The following ZSWIM5 variants were observed in gnomAD, a reference collection of about 807,000 sequenced individuals.
ZSWIM5 encodes the protein zinc finger SWIM-type containing 5, also known as zinc finger SWIM domain-containing protein 5.
Under a neutral mutation model 119.6 loss-of-function variants are expected in ZSWIM5, and 55 were observed. The observed-to-expected ratio is 0.46, with a 90% CI of 0.37 to 0.58. The LOEUF (loss-of-function observed/expected upper bound fraction) is 0.58, where lower values mean the gene tolerates loss of function less well. ZSWIM5 is among the 20% of genes least tolerant of loss of function. The pLI is 0.00. For missense variants in ZSWIM5, 1,193 were observed against 1,512.8 expected, an observed-to-expected ratio of 0.79 and a Z score of 3.51; for synonymous variants, 537 against 606.9, an observed-to-expected ratio of 0.88 and a Z score of 1.69.
intron 1 of ZSWIM5, among the ~76,000 whole-genome samples, chr1:45,185,148 G>T (rs1326001684): frequency 6.6e-6 from 1 of 151,954 alleles, no homozygotes; most frequent in Non-Finnish European, 1.5e-5. Flanking sequence ...AAGCAATGGG[G>T]AAAGGATTCC....
In ZSWIM5 at chr1:45,198,991, T is replaced by G. The variant is rs537469723; in HGVS notation, c.595+6765A>C. On this transcript the variant is annotated intron_variant, in intron 1 of 13. Transcript: ENST00000359600. Reference sequence around the variant, plus strand: ...CTAAGAGTAGGATTGCTGAATCTTTTGCTTAAGTATATGATTAGCTATAAA... The same window carrying G: ...CTAAGAGTAGGATTGCTGAATCTTTGGCTTAAGTATATGATTAGCTATAAA... Among the ~76,000 whole-genome samples the G allele has an allele frequency of 4.6e-5, 7 of 152,340 alleles. No individual in the cohort carries two copies. In the South Asian group the frequency reaches 1.0e-3, roughly 23 times the overall value.
At chr1:45,050,918 G>T (rs1645084739) in intron 5 of ZSWIM5, among the ~76,000 whole-genome samples, 156 bp downstream of exon 5, 1 of 152,190 alleles carries the variant, frequency 6.6e-6, no homozygotes, top group Non-Finnish European at 1.5e-5. Context: ...CTTACTTAAG[G>T]TTCGGCATTT....
At position 45,144,801 on chromosome 1, in the gene ZSWIM5, GAAGAAACTGGT is replaced by G. The variant is rs796519708; in HGVS notation, c.596-56575_596-56565del. Among the ~76,000 whole-genome samples, 22 of 152,222 alleles carry G rather than the reference GAAGAAACTGGT, an allele frequency of 1.4e-4. 1 individual carries two copies. Among genetic ancestry groups the G allele is most frequent in the African/African-American group, 5.3e-4 (22 of 41,550 alleles). ...GTAACCAAAAGCAGACTCCATAAAAGAAGAAACTGGTAAGTTGGATTTCATTAACATTAAAA... is the reference window on the plus strand; with the variant it reads ...GTAACCAAAAGCAGACTCCATAAAAGAAGTTGGATTTCATTAACATTAAAA... On this transcript the variant is annotated intron_variant, in intron 1 of 13. Transcript: ENST00000359600.
intron 2 of ZSWIM5, among the ~76,000 whole-genome samples, chr1:45,078,780 T>A (rs1645270542): frequency 6.6e-6 from 1 of 152,210 alleles, no homozygotes; most frequent in Non-Finnish European, 1.5e-5. Context: ...CTCCAGACTC[T>A]GGGTGTGTCC....
chr1:45,162,070 C>A (rs1022104903), intron 1 of ZSWIM5, among the ~76,000 whole-genome samples: 4 of 152,168 alleles, frequency 2.6e-5, no homozygotes, highest in Non-Finnish European at 5.9e-5. Context: ...ACACTGAGAC[C>A]AGTATGATCC....
Position 45,088,242 on chromosome 1 carries a change from G to T in ZSWIM5, c.596-5C>A. ...CTGTGCCACTCAGATGAAAGCCTAA[G>T]GAAACACAAAAGAAACTGTGTTTAG... On this transcript the variant is annotated splice_polypyrimidine_tract_variant and splice_region_variant and intron_variant, in intron 1 of 13. Coordinates refer to ENST00000359600, the MANE Select transcript of ZSWIM5 (RefSeq NM_020883.2). The surrounding 1 kb of genome is among the most constrained non-coding windows in gnomAD (Gnocchi z 4.2). 1 of 1,561,226 alleles carries T rather than the reference G, an allele frequency of 6.4e-7. No homozygotes were observed. The highest frequency in any genetic ancestry group is 8.7e-7 in the Non-Finnish European group (1 of 1,153,692).
chr1:45,163,455 C>G (rs1235720143), intron 1 of ZSWIM5, among the ~76,000 whole-genome samples: 1 of 152,164 alleles, frequency 6.6e-6, no homozygotes, highest in Non-Finnish European at 1.5e-5. Flanking sequence ...AGCAACAGAA[C>G]AAAGCTAGAC....
intron 1 of ZSWIM5, among the ~76,000 whole-genome samples, chr1:45,134,621 G>T (rs146873372): frequency 6.6e-6 from 1 of 152,328 alleles, no homozygotes; most frequent in East Asian, 1.9e-4. Context: ...GTAATCCCAG[G>T]AAAACAGTGC....
rs1178965713 is a variant in ZSWIM5 at position 45,075,304 on chromosome 1, G to GACACTAT, written c.952+12576_952+12577insATAGTGT. Among the ~76,000 whole-genome samples, 17 of 150,454 alleles carry GACACTAT rather than the reference G, an allele frequency of 1.1e-4. No homozygotes were observed. The East Asian group carries it at 3.1e-3, about 27-fold the overall frequency. ...AAGATGTGTCCGATGCTGATAGCGG[G>GACACTAT]GTGCTGAAGTCTCCAGCTATTACTA... On this transcript the variant is annotated intron_variant, in intron 2 of 13. Coordinates refer to ENST00000359600, the MANE Select transcript of ZSWIM5 (RefSeq NM_020883.2).
chr1:45,085,123 C>G (rs968751424), intron 2 of ZSWIM5, among the ~76,000 whole-genome samples: 2 of 152,246 alleles, frequency 1.3e-5, no homozygotes, highest in Admixed American at 6.5e-5. Context: ...GTGCTTAACA[C>G]CATGTGGAAG....
chr1:45,075,023 C>T (rs148157395), intron 2 of ZSWIM5, among the ~76,000 whole-genome samples: 3,160 of 151,962 alleles, frequency 0.021, 161 homozygotes, highest in African/African-American at 0.073. Flanking sequence ...TGTATAGTTT[C>T]CAAAATTCCT....
intron 2 of ZSWIM5, among the ~76,000 whole-genome samples, chr1:45,082,305 A>C (rs1363336525): frequency 1.3e-4 from 20 of 150,682 alleles, no homozygotes; most frequent in Non-Finnish European, 1.8e-4. Flanking sequence ...TCTGTGAGAA[A>C]CACCCAAGAA....
Position 45,139,474 on chromosome 1 carries a change from C to CTT in ZSWIM5, c.596-51239_596-51238dup, listed in dbSNP as rs551063549. 5.8e-3 allele frequency among the ~76,000 whole-genome samples: 671 copies of CTT among 116,528 alleles called. 18 individuals are homozygous for CTT. The highest frequency in any genetic ancestry group is 0.019 in the African/African-American group (573 of 30,846). 76.4% of individuals were successfully genotyped at this position (116,528 alleles called of 152,430 possible). A position where few individuals can be genotyped will look rare whatever the true frequency, so the allele number is the denominator to read the frequency against. On this transcript the variant is annotated intron_variant, in intron 1 of 13. Transcript: ENST00000359600. The stretch of plus-strand genomic sequence containing the variant: ...CTCCCCTCTCCCTCCCTCTCTCTCT[C>CTT]TTTTTTTTTTTTTTTTGTAGAGACA...
chr1:45,031,717 G>A (rs1040557313), intron 11 of ZSWIM5, among the ~76,000 whole-genome samples: 11 of 151,778 alleles, frequency 7.2e-5, no homozygotes, highest in African/African-American at 1.7e-4. Context: ...GCGGGCACCC[G>A]TAGTCCCAGC....
At chr1:45,143,755 A>G (rs533492167) in intron 1 of ZSWIM5, among the ~76,000 whole-genome samples, 5 of 152,282 alleles carry the variant, frequency 3.3e-5, no homozygotes, top group African/African-American at 1.2e-4. Context: ...ATGATTGTCT[A>G]CCTAGAAACT....
chr1:45,118,217 C>A (rs1382179639), intron 1 of ZSWIM5, among the ~76,000 whole-genome samples: 1 of 152,216 alleles, frequency 6.6e-6, no homozygotes, highest in African/African-American at 2.4e-5. Flanking sequence ...ACTAACTCCA[C>A]ACGCATTGCC....
intron 2 of ZSWIM5, among the ~76,000 whole-genome samples, chr1:45,075,295 T>G (rs72684447): frequency 0.046 from 6,964 of 152,164 alleles, 233 homozygotes; most frequent in East Asian, 0.11. Context: ...TGTCCGATGC[T>G]GATAGCGGGG....
At chr1:45,098,607 A>C (rs1645418766) in intron 1 of ZSWIM5, among the ~76,000 whole-genome samples, 1 of 152,204 alleles carries the variant, frequency 6.6e-6, no homozygotes. Flanking sequence ...TCTTCTCAGC[A>C]CCACATCGCA....
Position 45,058,669 on chromosome 1 carries a change from G to A in ZSWIM5, c.1192C>T (p.Leu398Phe). 1.2e-6 allele frequency: 2 copies of A among 1,614,224 alleles called. No individual in the cohort carries two copies. The highest frequency in any genetic ancestry group is 8.5e-7 in the Non-Finnish European group (1 of 1,180,042). ...EQFVADPRLT[L>F]WRQQGTNMTD... The stretch of plus-strand genomic sequence containing the variant: ...ATGTTTGTTCCTTGCTGCCTCCAGA[G>A]TGTGAGTCGTGGGTCAGCCACAAAC... Residue 398 changes from leucine (L) to phenylalanine (F), a missense_variant, in exon 4 of 14, where the codon CTC (leucine) becomes TTC (phenylalanine). Physicochemically the swap from Leu to Phe is conservative, Grantham distance 22. Transcript: ENST00000359600.
Sources: allele counts gnomAD v4.1 joint callset (sites outside exome capture counted in the v4.1 genomes callset), GRCh38; gene constraint gnomAD v4.1.1; non-coding constraint Gnocchi (gnomAD v3.1); transcripts MANE v1.5; gene names NCBI Gene and HGNC (gene_info 2026-07-23, HGNC 2026-07-21).